ARFGEF1: variants seen among roughly 807,000 people sequenced by gnomAD.
ARFGEF1 encodes ARF guanine nucleotide exchange factor 1, also known as brefeldin A-inhibited guanine nucleotide-exchange protein 1.
ARFGEF1 carries 42 observed loss-of-function variants against 231.0 expected under a neutral mutation model. The ratio of observed to expected loss-of-function variants is 0.18; its 90% CI spans 0.14 to 0.24. The LOEUF is 0.24. Ranked by LOEUF, ARFGEF1 falls within the 10% of genes least tolerant of loss-of-function variation. The pLI, the probability that ARFGEF1 is intolerant of heterozygous loss-of-function variation, is 1.00. For synonymous variants in ARFGEF1, 710 were observed against 732.3 expected, an observed-to-expected ratio of 0.97 and a Z score of 0.49; for missense variants, 1,345 against 2,192.0, an observed-to-expected ratio of 0.61 and a Z score of 7.72.
chr8:67,343,614 C>T lies in ARFGEF1; in HGVS notation c.-327G>A. ...CGGCCCTGGTGGCGGTGAGGGAGCC[C>T]GGCCCGGGCGGCTGTCTGCCGGGAA... On this transcript the variant is annotated 5_prime_UTR_variant, in exon 1 of 39. Transcript: ENST00000262215. 1 of 1,038,536 alleles carries T rather than the reference C, an allele frequency of 9.6e-7. No individual in the cohort carries two copies. Among genetic ancestry groups the T allele is most frequent in the Non-Finnish European group, 1.2e-6 (1 of 864,960 alleles). 64.3% of individuals were successfully genotyped at this position (1,038,536 alleles called of 1,614,324 possible). A position where few individuals can be genotyped will look rare whatever the true frequency, so the allele number is the denominator to read the frequency against.
chr8:67,240,089 G>A (rs959943027), intron 20 of ARFGEF1, 73 bp downstream of exon 20: 21 of 1,541,854 alleles, frequency 1.4e-5, no homozygotes, highest in South Asian at 8.5e-5. Flanking sequence ...AACAATTATT[G>A]TAATTTAAAC....
chr8:67,289,289 TC>T (rs1805896850), intron 6 of ARFGEF1, among the ~76,000 whole-genome samples: 1 of 150,886 alleles, frequency 6.6e-6, no homozygotes, highest in Non-Finnish European at 1.5e-5. Flanking sequence ...ACAGGGGGGG[TC>T]ACACCTGTAA....
chr8:67,287,683 A>G (rs1293891703), intron 7 of ARFGEF1, among the ~76,000 whole-genome samples: 1 of 152,186 alleles, frequency 6.6e-6, no homozygotes. Flanking sequence ...GGCTTTGAAT[A>G]CTGTGCTGGT....
intron 23 of ARFGEF1, 93 bp from the exon 24 acceptor site, chr8:67,228,357 TGTTTTAA>T (rs1839447719): frequency 8.0e-7 from 1 of 1,247,252 alleles, no homozygotes; most frequent in African/African-American, 1.5e-5. Context: ...GCTATTTTTA[TGTTTTAA>T]GGGAACAAAA....
chr8:67,337,498 T>C (rs779644801), intron 1 of ARFGEF1, among the ~76,000 whole-genome samples: 1 of 152,156 alleles, frequency 6.6e-6, no homozygotes, highest in Non-Finnish European at 1.5e-5. Context: ...CCATGGTCTC[T>C]GGCCACAGTG....
At chr8:67,300,363 C>T (rs1435742850) in intron 3 of ARFGEF1, among the ~76,000 whole-genome samples, 1 of 152,168 alleles carries the variant, frequency 6.6e-6, no homozygotes, top group Admixed American at 6.5e-5. Flanking sequence ...TACTTAGAAA[C>T]TTGTCTTACA....
intron 29 of ARFGEF1, among the ~76,000 whole-genome samples, chr8:67,223,510 A>C (rs900398854): frequency 7.2e-5 from 11 of 152,198 alleles, no homozygotes; most frequent in African/African-American, 2.4e-4. Context: ...TGGAAGCTAA[A>C]TAGCAACCCA....
At chr8:67,270,149 A>G (rs1319544589) in intron 10 of ARFGEF1, among the ~76,000 whole-genome samples, 1 of 152,200 alleles carries the variant, frequency 6.6e-6, no homozygotes, top group Non-Finnish European at 1.5e-5. Flanking sequence ...ATAATGGGGA[A>G]AAACTATCTA....
chr8:67,253,561 TTAC>T lies in ARFGEF1; in HGVS notation c.2585_2587del (p.Ser862del). ...TGATAGATACTCTTCAGGAAGGTCT[TTAC>T]TGTCATTGATACCTCTATTCATCTT... On this transcript the variant is annotated inframe_deletion, in exon 18 of 39. Transcript: ENST00000262215. The T allele has an allele frequency of 6.3e-7, 1 of 1,584,924 alleles. No homozygotes were observed. Among genetic ancestry groups the T allele is most frequent in the Non-Finnish European group, 8.7e-7 (1 of 1,155,000 alleles).
chr8:67,193,585 A>G (rs569956227), downstream of ARFGEF1: 69 of 1,613,570 alleles, frequency 4.3e-5, 1 homozygote, highest in South Asian at 6.7e-4. Context: ...GAATTTCACA[A>G]TAAACCTATT....
intron 22 of ARFGEF1, among the ~76,000 whole-genome samples, chr8:67,234,038 G>A (rs1277866498): frequency 6.6e-6 from 1 of 152,092 alleles, no homozygotes; most frequent in African/African-American, 2.4e-5. Flanking sequence ...TAGGAATCAA[G>A]TAATATTCAT....
intron 7 of ARFGEF1, among the ~76,000 whole-genome samples, chr8:67,277,904 G>A (rs1175009272): frequency 6.6e-6 from 1 of 152,264 alleles, no homozygotes; most frequent in African/African-American, 2.4e-5. Flanking sequence ...AGGATATACA[G>A]TATGTTGTGT....
chr8:67,253,596 T>A lies in ARFGEF1; in HGVS notation c.2553A>T (p.Gln851His). 1 of 1,520,956 alleles carries A rather than the reference T, an allele frequency of 6.6e-7. No individual in the cohort carries two copies. The highest frequency in any genetic ancestry group is 8.9e-7 in the Non-Finnish European group (1 of 1,125,016). 94.2% of individuals were successfully genotyped at this position (1,520,956 alleles called of 1,614,324 possible). A position where few individuals can be genotyped will look rare whatever the true frequency, so the allele number is the denominator to read the frequency against. Residue 851 changes from glutamine (Q) to histidine (H), a missense_variant, in exon 18 of 39, where the codon CAA (glutamine) becomes CAT (histidine). Coordinates refer to ENST00000262215, the MANE Select transcript of ARFGEF1 (RefSeq NM_006421.5). ...PQVKNKMTKE[Q>H]YIKMNRGIND... ...TGATACCTCTATTCATCTTAATGTA[T>A]TGTTCCTTTGTCATTTTATTTTTCA... is the stretch of plus-strand genomic sequence containing the variant.
At chr8:67,308,451 G>A (rs1003050767) in intron 1 of ARFGEF1, among the ~76,000 whole-genome samples, 2 of 152,186 alleles carry the variant, frequency 1.3e-5, no homozygotes, top group Non-Finnish European at 2.9e-5. Flanking sequence ...ATCTAGATAA[G>A]GAAACCACAT....
chr8:67,289,240 G>C (rs1017096969), intron 6 of ARFGEF1, among the ~76,000 whole-genome samples: 1 of 152,070 alleles, frequency 6.6e-6, no homozygotes, highest in African/African-American at 2.4e-5. Context: ...TCAACTCCTT[G>C]AACCTTCCCA....
Position 67,198,532 on chromosome 8 carries a change from C to G in ARFGEF1, c.*402G>C. ...TAATTTCTTCTTCTCTCCCCACTCC[C>G]CAATTATAAACATTTTATCCTTCAA... On this transcript the variant is annotated 3_prime_UTR_variant, in exon 39 of 39. Coordinates refer to ENST00000262215, the MANE Select transcript of ARFGEF1 (RefSeq NM_006421.5). The G allele has an allele frequency of 5.0e-6, 5 of 991,766 alleles. No homozygotes were observed. Among genetic ancestry groups the G allele is most frequent in the Non-Finnish European group, 6.0e-6 (5 of 834,250 alleles). The allele number at this position is 991,766 out of a possible 1,614,324, so 61.4% of individuals were successfully genotyped here. A position where few individuals can be genotyped will look rare whatever the true frequency, so the allele number is the denominator to read the frequency against.
intron 19 of ARFGEF1, among the ~76,000 whole-genome samples, chr8:67,249,270 T>TA (rs1840199842): frequency 6.6e-6 from 1 of 150,620 alleles, no homozygotes; most frequent in Non-Finnish European, 1.5e-5. Flanking sequence ...TTACATGAGA[T>TA]ATTCAGTACT....
At chr8:67,224,870 T>C (rs1228865527) in intron 29 of ARFGEF1, 33 bp downstream of exon 29, 2 of 1,442,216 alleles carry the variant, frequency 1.4e-6, no homozygotes, top group Non-Finnish European at 1.9e-6. Flanking sequence ...TCAAAATAAA[T>C]CCAAAATTTT....
At chr8:67,190,706 C>G (rs1228312143) in intron 5 of ARFGEF1, 1 of 1,614,016 alleles carries the variant, frequency 6.2e-7, no homozygotes, top group Non-Finnish European at 8.5e-7. Flanking sequence ...TCCACCATCA[C>G]AGTTGCCCTC....
Sources: allele counts gnomAD v4.1 joint callset (sites outside exome capture counted in the v4.1 genomes callset), GRCh38; gene constraint gnomAD v4.1.1; transcripts MANE v1.5; gene names NCBI Gene and HGNC (gene_info 2026-07-23, HGNC 2026-07-21).